GRID2: variants seen among roughly 807,000 people sequenced by gnomAD.
GRID2 encodes glutamate ionotropic receptor delta type subunit 2, also known as glutamate receptor ionotropic, delta-2.
A neutral mutation model predicts 114.8 loss-of-function variants in GRID2; 33 were observed. That is an observed-to-expected ratio of 0.29 (90% CI 0.22 to 0.38). GRID2 has a LOEUF of 0.38. Among genes scored for constraint, GRID2 ranks in the 10% least tolerant of loss-of-function variants. The pLI is 1.00. For synonymous variants in GRID2, 505 were observed against 449.9 expected (o/e 1.12, Z -1.55); for missense variants, 1,184 against 1,257.7 (o/e 0.94, Z 0.89).
At chr4:92,597,344 C>G (rs1456411082) in intron 2 of GRID2, among the ~76,000 whole-genome samples, 1 of 151,834 alleles carries the variant, frequency 6.6e-6, no homozygotes, top group Non-Finnish European at 1.5e-5. Flanking sequence ...TTTCCCTTAC[C>G]TCATTTGATA....
intron 1 of GRID2, among the ~76,000 whole-genome samples, chr4:92,315,615 T>C (rs554731153): frequency 6.6e-6 from 1 of 152,282 alleles, no homozygotes; most frequent in East Asian, 1.9e-4. Flanking sequence ...ATGTCATTGA[T>C]TGACTTAGTA....
At position 93,347,812 on chromosome 4, in the gene GRID2, G is replaced by A. The variant is rs897213181; in HGVS notation, c.1246-47795G>A. Among the ~76,000 whole-genome samples, 20 of 152,026 alleles carry A rather than the reference G, an allele frequency of 1.3e-4. 1 individual carries two copies. The highest frequency in any genetic ancestry group is 2.9e-4 in the Non-Finnish European group (20 of 68,006). ...TAGCTAGATTCAGTCCCAGGCAGTT[G>A]CACTCCAGAGTACGCAACTTAAACA... On this transcript the variant is annotated intron_variant, in intron 8 of 15. Coordinates refer to ENST00000282020, the MANE Select transcript of GRID2 (RefSeq NM_001510.4).
At chr4:92,687,245 T>G (rs1252778838) in intron 2 of GRID2, among the ~76,000 whole-genome samples, 11 of 152,076 alleles carry the variant, frequency 7.2e-5, no homozygotes, top group African/African-American at 2.7e-4. Flanking sequence ...TCATTTCTTG[T>G]GCAAACCTGC....
chr4:92,950,356 C>A (rs1751938404), intron 2 of GRID2, among the ~76,000 whole-genome samples: 1 of 152,066 alleles, frequency 6.6e-6, no homozygotes, highest in Non-Finnish European at 1.5e-5. Flanking sequence ...TTTCTACTGG[C>A]AAAGACAGTG....
At chr4:92,861,596 C>G (rs1744537944) in intron 2 of GRID2, among the ~76,000 whole-genome samples, 1 of 151,972 alleles carries the variant, frequency 6.6e-6, no homozygotes, top group Non-Finnish European at 1.5e-5. Context: ...ATTTTGTCTT[C>G]CTTTTTAAGC....
chr4:92,917,496 C>T lies in GRID2; in HGVS notation c.245-167499C>T, dbSNP rs574871620. Among the ~76,000 whole-genome samples the T allele has an allele frequency of 2.5e-3, 378 of 152,242 alleles. 2 individuals carry two copies. The highest frequency in any genetic ancestry group is 8.9e-3 in the African/African-American group (368 of 41,532). On this transcript the variant is annotated intron_variant, in intron 2 of 15. Transcript: ENST00000282020. ...GTCTAGGGTTTTTATGGTTTTAGGTCTAACGTTTAAGTCTTTAATCGATCT... is the reference window on the plus strand; with the variant it reads ...GTCTAGGGTTTTTATGGTTTTAGGTTTAACGTTTAAGTCTTTAATCGATCT...
At chr4:93,206,435 C>T (rs184164779) in intron 4 of GRID2, among the ~76,000 whole-genome samples, 153 of 152,136 alleles carry the variant, frequency 1.0e-3, no homozygotes, top group Non-Finnish European at 1.5e-3. Flanking sequence ...GAAACCCAAT[C>T]GCTGAGTATT....
intron 1 of GRID2, among the ~76,000 whole-genome samples, chr4:92,568,546 G>A (rs1727451036): frequency 6.6e-6 from 1 of 151,902 alleles, no homozygotes; most frequent in Non-Finnish European, 1.5e-5. Flanking sequence ...AACTTGAAGT[G>A]CAAAATTTCA....
intron 1 of GRID2, among the ~76,000 whole-genome samples, chr4:92,546,410 T>C (rs1241699993): frequency 6.6e-6 from 1 of 152,178 alleles, no homozygotes; most frequent in African/African-American, 2.4e-5. Flanking sequence ...CAACGGCCCA[T>C]AAAAAGAGTG....
At chr4:92,349,535 A>G (rs1413675394) in intron 1 of GRID2, among the ~76,000 whole-genome samples, 4 of 151,652 alleles carry the variant, frequency 2.6e-5, no homozygotes, top group Admixed American at 6.6e-5. Context: ...TCAAGATTTT[A>G]CTTTTATTTA....
intron 1 of GRID2, among the ~76,000 whole-genome samples, chr4:92,387,746 CT>C (rs1235558540): frequency 6.6e-6 from 1 of 151,996 alleles, no homozygotes; most frequent in South Asian, 2.1e-4. Flanking sequence ...ATTTAAAGGA[CT>C]TTCTCAATGT....
intron 1 of GRID2, among the ~76,000 whole-genome samples, chr4:92,578,834 T>A (rs922550802): frequency 6.6e-6 from 1 of 152,174 alleles, no homozygotes; most frequent in African/African-American, 2.4e-5. Context: ...CTCTTAATAA[T>A]GTAGTACCAG....
At chr4:92,834,865 A>G (rs916645342) in intron 2 of GRID2, among the ~76,000 whole-genome samples, 1 of 152,066 alleles carries the variant, frequency 6.6e-6, no homozygotes, top group African/African-American at 2.4e-5. Context: ...CACGTGCAGA[A>G]TGTTCTGGGA....
intron 2 of GRID2, among the ~76,000 whole-genome samples, chr4:92,952,377 A>T (rs1416120102): frequency 6.6e-6 from 1 of 152,180 alleles, no homozygotes; most frequent in Non-Finnish European, 1.5e-5. Flanking sequence ...AGGATAATAG[A>T]TCTCTATGAG....
chr4:92,749,855 T>G (rs1737356014), intron 2 of GRID2, among the ~76,000 whole-genome samples: 1 of 144,046 alleles, frequency 6.9e-6, no homozygotes, highest in African/African-American at 2.5e-5. Context: ...TCACATTTTA[T>G]TGATTGATTG....
chr4:92,812,937 A>G (rs1740726674), intron 2 of GRID2, among the ~76,000 whole-genome samples: 1 of 152,146 alleles, frequency 6.6e-6, no homozygotes, highest in South Asian at 2.1e-4. Context: ...CCCCTAGGTA[A>G]TATCCATTTT....
At chr4:93,191,701 C>T (rs1740997001) in intron 4 of GRID2, among the ~76,000 whole-genome samples, 2 of 151,996 alleles carry the variant, frequency 1.3e-5, no homozygotes, top group Admixed American at 1.3e-4. Context: ...AATTCTCTCC[C>T]ATGTGTCCCA....
chr4:93,608,703 G>C (rs1336335637), intron 13 of GRID2, among the ~76,000 whole-genome samples: 1 of 136,926 alleles, frequency 7.3e-6, no homozygotes. Flanking sequence ...TCTTAATCTA[G>C]TCTATCATTG....
At chr4:93,339,350 G>A (rs1759409897) in intron 8 of GRID2, among the ~76,000 whole-genome samples, 1 of 152,170 alleles carries the variant, frequency 6.6e-6, no homozygotes, top group Non-Finnish European at 1.5e-5. Context: ...TATGACTGGT[G>A]TCCTTGTAAG....
Sources: allele counts gnomAD v4.1 joint callset (sites outside exome capture counted in the v4.1 genomes callset), GRCh38; gene constraint gnomAD v4.1.1; transcripts MANE v1.5; gene names NCBI Gene and HGNC (gene_info 2026-07-23, HGNC 2026-07-21).